The following AFF3 variants were observed in gnomAD, a reference collection of about 807,000 sequenced individuals.
AFF3 encodes the protein ALF transcription elongation factor 3, also known as AF4/FMR2 family member 3.
AFF3 carries 32 observed loss-of-function variants against 129.7 expected under a neutral mutation model. The observed-to-expected ratio is 0.25, with a 90% CI of 0.19 to 0.33. The LOEUF (loss-of-function observed/expected upper bound fraction) is 0.33. Ranked by LOEUF, AFF3 falls within the 10% of genes least tolerant of loss-of-function variation. The pLI is 1.00. For missense variants in AFF3, 1,373 were observed against 1,592.0 expected (o/e 0.86, Z 2.34); for synonymous variants, 644 against 635.4 (o/e 1.01, Z -0.20).
chr2:99,822,175 C>T (rs1050639163), intron 8 of AFF3, among the ~76,000 whole-genome samples: 4 of 152,146 alleles, frequency 2.6e-5, no homozygotes, highest in East Asian at 1.9e-4. Flanking sequence ...CGTCACAAGA[C>T]GCTTCATATC....
chr2:99,916,319 T>G (rs1191975306), intron 7 of AFF3, among the ~76,000 whole-genome samples: 1 of 152,180 alleles, frequency 6.6e-6, no homozygotes, highest in Non-Finnish European at 1.5e-5. Flanking sequence ...TGTTTTGGTT[T>G]TTGCACAGCA....
At chr2:99,662,766 C>A (rs1686359133) in intron 12 of AFF3, among the ~76,000 whole-genome samples, 1 of 152,138 alleles carries the variant, frequency 6.6e-6, no homozygotes, top group Non-Finnish European at 1.5e-5. Context: ...ACTGCTTCAA[C>A]TCCTGTTTAT....
intron 7 of AFF3, among the ~76,000 whole-genome samples, chr2:99,915,488 G>A (rs1297344893): frequency 6.6e-6 from 1 of 152,086 alleles, no homozygotes; most frequent in African/African-American, 2.4e-5. Flanking sequence ...ACTGAGAATG[G>A]GAGTAAAAAG....
At chr2:99,782,907 A>C (rs962387625) in intron 8 of AFF3, among the ~76,000 whole-genome samples, 22 of 152,354 alleles carry the variant, frequency 1.4e-4, no homozygotes, top group Non-Finnish European at 1.9e-4. Flanking sequence ...AAGCACAAAT[A>C]TTTTCCAAAC....
At chr2:99,584,525 A>G (rs1677905532) in intron 16 of AFF3, among the ~76,000 whole-genome samples, 1 of 147,894 alleles carries the variant, frequency 6.8e-6, no homozygotes, top group Non-Finnish European at 1.5e-5. Flanking sequence ...TAGAAGTTAC[A>G]GTTTCTGATT....
intron 4 of AFF3, among the ~76,000 whole-genome samples, chr2:100,068,738 C>A (rs1451918863): frequency 6.6e-6 from 1 of 152,126 alleles, no homozygotes; most frequent in African/African-American, 2.4e-5. Flanking sequence ...CGACGCCCAC[C>A]ATCAAGGATG....
chr2:100,138,637 G>A (rs1692725273), intron 1 of AFF3, among the ~76,000 whole-genome samples: 1 of 152,070 alleles, frequency 6.6e-6, no homozygotes, highest in Non-Finnish European at 1.5e-5. Context: ...TTGGGAGAAA[G>A]GTGAAATCTT....
intron 7 of AFF3, among the ~76,000 whole-genome samples, chr2:99,959,658 T>C (rs1576433304): frequency 1.3e-5 from 2 of 149,976 alleles, no homozygotes; most frequent in South Asian, 4.3e-4. Flanking sequence ...CCGAGTTGAA[T>C]GGAAACATGA....
chr2:100,009,002 G>A, intron 4 of AFF3, 70 bp from the exon 5 acceptor site: 2 of 1,568,086 alleles, frequency 1.3e-6, no homozygotes, highest in Non-Finnish European at 1.7e-6. Context: ...TGTAACACTT[G>A]TGTGAGTGCA....
At chr2:99,568,404 T>C (rs756050091) in intron 19 of AFF3, among the ~76,000 whole-genome samples, 3 of 152,190 alleles carry the variant, frequency 2.0e-5, no homozygotes, top group Non-Finnish European at 4.4e-5. Context: ...GTGCAGATAA[T>C]AGTTTCTGTG....
intron 4 of AFF3, among the ~76,000 whole-genome samples, chr2:100,075,311 T>C (rs747145675): frequency 6.6e-6 from 1 of 152,170 alleles, no homozygotes; most frequent in Non-Finnish European, 1.5e-5. Context: ...TGTCTTCATT[T>C]AGCAAAGACG....
intron 7 of AFF3, among the ~76,000 whole-genome samples, chr2:99,892,133 G>A (rs1241953821): frequency 6.6e-6 from 1 of 151,796 alleles, no homozygotes; most frequent in Non-Finnish European, 1.5e-5. Flanking sequence ...AAGCCCACCA[G>A]CTTTTGAAGG....
chr2:99,599,251 C>G (rs1382063815), intron 14 of AFF3, among the ~76,000 whole-genome samples: 1 of 152,192 alleles, frequency 6.6e-6, no homozygotes, highest in Non-Finnish European at 1.5e-5. Context: ...CTGTACTGCT[C>G]TTTTTTTCTT....
intron 7 of AFF3, among the ~76,000 whole-genome samples, chr2:99,949,719 C>G (rs1675963133): frequency 6.6e-6 from 1 of 152,288 alleles, no homozygotes; most frequent in African/African-American, 2.4e-5. Context: ...GGCAGTAATG[C>G]CAGCAATGGG....
rs1220142346 is a variant in AFF3 at position 99,775,521 on chromosome 2, CAT to C, written c.922-23222_922-23221del. Among the ~76,000 whole-genome samples the C allele has an allele frequency of 1.8e-4, 28 of 152,182 alleles. 1 individual carries two copies. The highest frequency in any genetic ancestry group is 8.5e-4 in the Admixed American group (13 of 15,284). On this transcript the variant is annotated intron_variant, in intron 8 of 24. Transcript: ENST00000672756. The stretch of plus-strand genomic sequence containing the variant: ...GCTAAATGATGAGAACACATGGACA[CAT>C]GTGTGGGAAAGACACACAGTGGGGC...
intron 13 of AFF3, among the ~76,000 whole-genome samples, chr2:99,645,942 C>A (rs1684651332): frequency 6.6e-6 from 1 of 152,150 alleles, no homozygotes; most frequent in South Asian, 2.1e-4. Flanking sequence ...CCTCCAACAA[C>A]CCAGAGGGAT....
At chr2:99,952,162 T>C (rs956467675) in intron 7 of AFF3, among the ~76,000 whole-genome samples, 2 of 152,154 alleles carry the variant, frequency 1.3e-5, no homozygotes, top group Admixed American at 1.3e-4. Flanking sequence ...GACTGGATCA[T>C]GGGGGCGGAT....
At chr2:99,765,128 A>G (rs751145208) in intron 8 of AFF3, among the ~76,000 whole-genome samples, 1 of 152,200 alleles carries the variant, frequency 6.6e-6, no homozygotes, top group South Asian at 2.1e-4. Flanking sequence ...TCTGACTCAC[A>G]TAATACTTTT....
At chr2:99,771,050 C>G (rs1473056819) in intron 8 of AFF3, among the ~76,000 whole-genome samples, 1 of 152,094 alleles carries the variant, frequency 6.6e-6, no homozygotes, top group South Asian at 2.1e-4. Flanking sequence ...AAAATGTGTA[C>G]ATATATACCA....
Sources: gnomAD v4.1 joint callset for allele counts (sites outside exome capture counted in the v4.1 genomes callset) on GRCh38, gnomAD v4.1.1 for gene constraint, MANE v1.5 for transcripts, NCBI Gene and HGNC (gene_info 2026-07-23, HGNC 2026-07-21) for gene names.